CNTNAP5: variants seen among roughly 807,000 people sequenced by gnomAD.
CNTNAP5 encodes contactin-associated protein-like 5.
In CNTNAP5, 72 loss-of-function variants were observed where a neutral mutation model predicts 150.2. That is an observed-to-expected ratio of 0.48 (90% CI 0.40 to 0.58). CNTNAP5 has a LOEUF of 0.58. Among genes scored for constraint, CNTNAP5 ranks in the 20% least tolerant of loss-of-function variants. The pLI is 0.00. For missense variants in CNTNAP5, 1,636 were observed against 1,626.2 expected, an observed-to-expected ratio of 1.01 and a Z score of -0.10; for synonymous variants, 672 against 619.8, an observed-to-expected ratio of 1.08 and a Z score of -1.25.
intron 3 of CNTNAP5, among the ~76,000 whole-genome samples, chr2:124,394,963 A>T (rs1691209373): frequency 6.6e-6 from 1 of 152,194 alleles, no homozygotes; most frequent in Admixed American, 6.5e-5. Flanking sequence ...AATACATAAT[A>T]AAATTCTCTT....
chr2:124,317,187 C>T (rs996595175), intron 3 of CNTNAP5, among the ~76,000 whole-genome samples: 2 of 152,058 alleles, frequency 1.3e-5, no homozygotes, highest in Non-Finnish European at 2.9e-5. Context: ...GGCAGACTTA[C>T]CTTTAGATTA....
chr2:124,220,735 C>G (rs1686285366), intron 1 of CNTNAP5, among the ~76,000 whole-genome samples: 1 of 152,064 alleles, frequency 6.6e-6, no homozygotes, highest in African/African-American at 2.4e-5. Context: ...AGAGAACCCA[C>G]TCCTGAAAGC....
intron 1 of CNTNAP5, among the ~76,000 whole-genome samples, chr2:124,102,225 A>G (rs946017184): frequency 7.9e-5 from 12 of 152,224 alleles, no homozygotes; most frequent in African/African-American, 2.9e-4. Flanking sequence ...CCACTGGCAC[A>G]GGAACTAATC....
chr2:124,431,599 CATTATATATAATTTCTTTATATAAACATT>C, intron 4 of CNTNAP5, among the ~76,000 whole-genome samples: 1 of 143,088 alleles, frequency 7.0e-6, no homozygotes, highest in East Asian at 2.0e-4. Context: ...TTTATATAAA[CATTATATATAATTTCTTTATATAAACATT>C]ATATATAATT....
intron 1 of CNTNAP5, among the ~76,000 whole-genome samples, chr2:124,127,281 C>T (rs971943149): frequency 1.3e-5 from 2 of 152,024 alleles, no homozygotes; most frequent in East Asian, 3.9e-4. Context: ...AAACAGAGAG[C>T]CATATCATGA....
At chr2:124,570,381 A>G (rs769909017) in intron 11 of CNTNAP5, among the ~76,000 whole-genome samples, 1 of 152,198 alleles carries the variant, frequency 6.6e-6, no homozygotes, top group Non-Finnish European at 1.5e-5. Context: ...AGGCAAAGTG[A>G]CACGAATGTC....
At chr2:124,030,530 T>C (rs1400645582) in intron 1 of CNTNAP5, among the ~76,000 whole-genome samples, 1 of 152,136 alleles carries the variant, frequency 6.6e-6, no homozygotes, top group Non-Finnish European at 1.5e-5. Context: ...ACTTTGACAC[T>C]GTGTATATAC....
intron 7 of CNTNAP5, among the ~76,000 whole-genome samples, chr2:124,499,653 T>C (rs1213401034): frequency 6.6e-6 from 1 of 152,170 alleles, no homozygotes; most frequent in African/African-American, 2.4e-5. Flanking sequence ...TGAAATCCAT[T>C]GTACTCTCAG....
intron 11 of CNTNAP5, among the ~76,000 whole-genome samples, chr2:124,603,776 A>C (rs1401262260): frequency 6.6e-6 from 1 of 152,184 alleles, no homozygotes; most frequent in African/African-American, 2.4e-5. Context: ...TAGATAGATA[A>C]ATAAATACAT....
chr2:124,753,968 C>A (rs1320307552), intron 14 of CNTNAP5, among the ~76,000 whole-genome samples: 1 of 152,172 alleles, frequency 6.6e-6, no homozygotes, highest in Non-Finnish European at 1.5e-5. Context: ...CTAATCCAGG[C>A]CCCAGGACAT....
At chr2:124,801,115 G>A (rs911284703) in intron 19 of CNTNAP5, among the ~76,000 whole-genome samples, 3 of 152,058 alleles carry the variant, frequency 2.0e-5, no homozygotes, top group Non-Finnish European at 4.4e-5. Context: ...TAGAATCCTG[G>A]ACATCTCTTG....
chr2:124,038,223 A>G (rs1445942129), intron 1 of CNTNAP5, among the ~76,000 whole-genome samples: 1 of 152,192 alleles, frequency 6.6e-6, no homozygotes, highest in African/African-American at 2.4e-5. Flanking sequence ...GTGCTTGTAC[A>G]TACCTGCTTT....
chr2:124,800,459 C>T (rs780347297), intron 19 of CNTNAP5, among the ~76,000 whole-genome samples: 15 of 152,062 alleles, frequency 9.9e-5, no homozygotes, highest in Admixed American at 6.6e-5. Flanking sequence ...TCATCACAAC[C>T]CTGTTTGATT....
intron 3 of CNTNAP5, among the ~76,000 whole-genome samples, chr2:124,386,039 C>T (rs78110489): frequency 6.6e-6 from 1 of 152,228 alleles, no homozygotes; most frequent in African/African-American, 2.4e-5. Flanking sequence ...GTGAACTGCC[C>T]AGGCTCAGTG....
rs755401118 is a variant in CNTNAP5 at position 124,025,622 on chromosome 2, G to T, written c.-29G>T. 6.2e-7 allele frequency: 1 copy of T among 1,610,630 alleles called. No homozygotes were observed. The highest frequency in any genetic ancestry group is 1.1e-5 in the South Asian group (1 of 91,006). On this transcript the variant is annotated 5_prime_UTR_variant, in exon 1 of 24. Coordinates refer to ENST00000682447, the MANE Select transcript of CNTNAP5 (RefSeq NM_001367498.1). ...GCTGGCTACTGCGAATTTGGGATTC[G>T]ATTGGGAGGGACCGCTCACTCGGGG...
At chr2:124,816,742 T>C (rs2104664195) in intron 19 of CNTNAP5, among the ~76,000 whole-genome samples, 1 of 152,210 alleles carries the variant, frequency 6.6e-6, no homozygotes, top group Middle Eastern at 3.4e-3. Context: ...CCTCCCAAAG[T>C]GCCAGGATTA....
At chr2:124,261,321 C>G (rs1424530732) in intron 3 of CNTNAP5, among the ~76,000 whole-genome samples, 1 of 152,124 alleles carries the variant, frequency 6.6e-6, no homozygotes, top group East Asian at 1.9e-4. Context: ...TCCCAACAAT[C>G]TTCCCTCTCA....
chr2:124,496,114 G>C (rs1694137290), intron 7 of CNTNAP5, among the ~76,000 whole-genome samples: 1 of 151,954 alleles, frequency 6.6e-6, no homozygotes, highest in Non-Finnish European at 1.5e-5. Context: ...CATATGAACT[G>C]CTTAATAGAG....
At chr2:124,805,413 T>C (rs1682060862) in intron 19 of CNTNAP5, among the ~76,000 whole-genome samples, 1 of 152,130 alleles carries the variant, frequency 6.6e-6, no homozygotes, top group Non-Finnish European at 1.5e-5. Context: ...TGCTAGTCCT[T>C]GCACAATACA....
Sources: gnomAD v4.1 joint callset for allele counts (sites outside exome capture counted in the v4.1 genomes callset) on GRCh38, gnomAD v4.1.1 for gene constraint, MANE v1.5 for transcripts, NCBI Gene and HGNC (gene_info 2026-07-23, HGNC 2026-07-21) for gene names.